Variants in FOCAD observed in about 807,000 individuals in gnomAD.
The protein encoded by FOCAD is focadhesin.
A neutral mutation model predicts 225.6 loss-of-function variants in FOCAD; 198 were observed. That is an observed-to-expected ratio of 0.88 (90% confidence interval 0.78 to 0.99). The LOEUF (loss-of-function observed/expected upper bound fraction) is 0.99, where lower values mean the gene tolerates loss of function less well. Ranked by LOEUF, FOCAD falls within the 50% of genes least tolerant of loss-of-function variation. FOCAD has a pLI of 0.00. For missense variants in FOCAD, 2,713 were observed against 2,123.6 expected, an observed-to-expected ratio of 1.28 and a Z score of -5.46; for synonymous variants, 897 against 755.0, an observed-to-expected ratio of 1.19 and a Z score of -3.08.
intron 5 of FOCAD, among the ~76,000 whole-genome samples, chr9:20,749,745 A>G (rs1156828415): frequency 6.6e-6 from 1 of 152,206 alleles, no homozygotes; most frequent in Non-Finnish European, 1.5e-5. Context: ...TTTATGATGT[A>G]AATCAAATCA....
At chr9:20,735,518 C>T (rs1347970514) in intron 4 of FOCAD, among the ~76,000 whole-genome samples, 1 of 147,646 alleles carries the variant, frequency 6.8e-6, no homozygotes, top group Non-Finnish European at 1.5e-5. Flanking sequence ...CTCCTCTTTT[C>T]CTTCTCTTTT....
intron 15 of FOCAD, among the ~76,000 whole-genome samples, chr9:20,850,564 T>G (rs917168041): frequency 1.3e-5 from 2 of 151,860 alleles, no homozygotes; most frequent in African/African-American, 4.8e-5. Context: ...TCTTTTGCAG[T>G]CTTTATACTT....
intron 4 of FOCAD, among the ~76,000 whole-genome samples, chr9:20,726,723 A>T (rs1826228666): frequency 6.6e-6 from 1 of 152,194 alleles, no homozygotes; most frequent in African/African-American, 2.4e-5. Context: ...GTTAAGATTT[A>T]GGATGATTTA....
At chr9:20,877,578 A>G (rs1830331057) in intron 19 of FOCAD, among the ~76,000 whole-genome samples, 1 of 152,150 alleles carries the variant, frequency 6.6e-6, no homozygotes, top group South Asian at 2.1e-4. Flanking sequence ...TAGCCCTCAA[A>G]ACAATATGTA....
intron 5 of FOCAD, among the ~76,000 whole-genome samples, chr9:20,750,566 G>A (rs890243380): frequency 2.0e-5 from 3 of 152,126 alleles, no homozygotes; most frequent in Admixed American, 1.3e-4. Flanking sequence ...AGGCACTAGA[G>A]ACCAATGAAG....
chr9:20,686,525 A>C (rs1822677690), intron 1 of FOCAD, among the ~76,000 whole-genome samples: 2 of 152,232 alleles, frequency 1.3e-5, no homozygotes, highest in Non-Finnish European at 2.9e-5. Context: ...ATGAGAAATA[A>C]TAACTATATT....
chr9:20,902,884 A>C (rs962831119), intron 21 of FOCAD, among the ~76,000 whole-genome samples: 45 of 151,936 alleles, frequency 3.0e-4, no homozygotes, highest in Non-Finnish European at 5.9e-4. Flanking sequence ...GATGACAAAG[A>C]AGTGTGCAAA....
chr9:20,985,274 C>G (rs1438629743), intron 39 of FOCAD, among the ~76,000 whole-genome samples: 1 of 152,194 alleles, frequency 6.6e-6, no homozygotes, highest in Non-Finnish European at 1.5e-5. Flanking sequence ...TATTGAATCA[C>G]TGAGTTTTGA....
At chr9:20,818,412 T>C (rs937705184) in intron 11 of FOCAD, among the ~76,000 whole-genome samples, 1 of 152,132 alleles carries the variant, frequency 6.6e-6, no homozygotes. Context: ...GCTTGTACTT[T>C]TGTTGTCATG....
chr9:20,938,542 A>G (rs951823832), intron 28 of FOCAD, among the ~76,000 whole-genome samples: 22 of 151,238 alleles, frequency 1.5e-4, no homozygotes, highest in African/African-American at 5.3e-4. Context: ...GAACACATGG[A>G]CACAGGAAGC....
rs35624897 is a variant in FOCAD at position 20,968,431 on chromosome 9, C to CTTTTTTTTTTTT, written c.4133-7976_4133-7965dup. On this transcript the variant is annotated intron_variant, in intron 35 of 43. Transcript: ENST00000338382. ...GTTCTGTTGTTTGTATTTTCTTATT[C>CTTTTTTTTTTTT]TTTTTTTTTTTTTTTTTTTTTTTTG... 6.9e-5 allele frequency among the ~76,000 whole-genome samples: 3 copies of CTTTTTTTTTTTT among 43,636 alleles called. 1 individual carries two copies. The highest frequency in any genetic ancestry group is 1.2e-4 in the Non-Finnish European group (3 of 25,170). 28.6% of individuals were successfully genotyped at this position (43,636 alleles called of 152,430 possible). A position where few individuals can be genotyped will look rare whatever the true frequency, so the allele number is the denominator to read the frequency against.
At chr9:20,675,025 A>G (rs752988885) in intron 2 of FOCAD, among the ~76,000 whole-genome samples, 3 of 152,378 alleles carry the variant, frequency 2.0e-5, no homozygotes, top group Non-Finnish European at 1.5e-5. Flanking sequence ...CAAAAATGCA[A>G]GAGCCACAGT....
At chr9:20,798,152 T>C (rs1269037496) in intron 11 of FOCAD, among the ~76,000 whole-genome samples, 2 of 152,200 alleles carry the variant, frequency 1.3e-5, no homozygotes, top group Non-Finnish European at 2.9e-5. Context: ...ATTACATTTA[T>C]TGATTTGCGT....
Position 20,820,932 on chromosome 9 carries a change from C to G in FOCAD, c.1663-9C>G, listed in dbSNP as rs745662439. On this transcript the variant is annotated splice_polypyrimidine_tract_variant and intron_variant, in intron 13 of 43. Coordinates refer to ENST00000338382, the MANE Select transcript of FOCAD (RefSeq NM_001375567.1). ...GGAAACTACCTTTTTTGTAAAATTGCCTTCGTAGGACCGAGTCTATCCTGA... is the reference window on the plus strand; with the variant it reads ...GGAAACTACCTTTTTTGTAAAATTGGCTTCGTAGGACCGAGTCTATCCTGA... 6 of 1,604,052 alleles carry G rather than the reference C, an allele frequency of 3.7e-6. No individual in the cohort carries two copies. Among genetic ancestry groups the G allele is most frequent in the African/African-American group, 1.3e-5 (1 of 74,242 alleles).
intron 35 of FOCAD, among the ~76,000 whole-genome samples, chr9:20,953,958 G>A (rs969527972): frequency 1.3e-5 from 2 of 152,184 alleles, no homozygotes; most frequent in East Asian, 3.8e-4. Flanking sequence ...GAAGTAAAAT[G>A]TTACCTTTGG....
chr9:20,674,031 G>A (rs575123399), intron 2 of FOCAD, among the ~76,000 whole-genome samples: 1 of 152,304 alleles, frequency 6.6e-6, no homozygotes, highest in African/African-American at 2.4e-5. Flanking sequence ...TGGATAAGAA[G>A]CGAGGCACTG....
intron 1 of FOCAD, among the ~76,000 whole-genome samples, chr9:20,687,684 A>G (rs1431338352): frequency 6.6e-6 from 1 of 152,208 alleles, no homozygotes; most frequent in Non-Finnish European, 1.5e-5. Flanking sequence ...ATAGTTATTA[A>G]AGGTATTGTA....
In FOCAD at chr9:20,843,030, C is replaced by CT. The variant is rs200729518; in HGVS notation, c.1921-19543dup. On this transcript the variant is annotated intron_variant, in intron 15 of 43. Transcript: ENST00000338382. ...TAACTTCATCCTTTATGCTTTTTAT[C>CT]TTTTTGTTGTTTCTATTTATATCTT... is the stretch of plus-strand genomic sequence containing the variant. Among the ~76,000 whole-genome samples, 818 of 151,856 alleles carry CT rather than the reference C, an allele frequency of 5.4e-3. 4 individuals carry two copies. Among genetic ancestry groups the CT allele is most frequent in the Non-Finnish European group, 9.1e-3 (614 of 67,828 alleles).
intron 10 of FOCAD, among the ~76,000 whole-genome samples, chr9:20,785,605 G>C (rs902487139): frequency 1.3e-5 from 2 of 152,082 alleles, no homozygotes; most frequent in African/African-American, 4.8e-5. Flanking sequence ...TTTTCTCTTA[G>C]AGCTGACTAA....
Sources: allele counts gnomAD v4.1 joint callset (sites outside exome capture counted in the v4.1 genomes callset), GRCh38; gene constraint gnomAD v4.1.1; transcripts MANE v1.5; gene names NCBI Gene and HGNC (gene_info 2026-07-23, HGNC 2026-07-21).